CEP164: variants seen among roughly 807,000 people sequenced by gnomAD.
The protein encoded by CEP164 is centrosomal protein of 164 kDa.
A neutral mutation model predicts 182.7 loss-of-function variants in CEP164; 162 were observed. That is an observed-to-expected ratio of 0.89 (90% CI 0.78 to 1.01). The LOEUF is 1.01. Among genes scored for constraint, CEP164 ranks in the 50% least tolerant of loss-of-function variants. The pLI is 0.00. For missense variants in CEP164, 1,735 were observed against 1,790.4 expected (o/e 0.97, Z 0.56); for synonymous variants, 661 against 690.0 (o/e 0.96, Z 0.66).
rs188255006 is a variant in CEP164, at chr11:117,376,312, C to T, written c.1317+521C>T. ...GATGAATTGTTCCCTTTCTTTGCTC[C>T]GTTTAGTCACTCTTGTTTTGTTTGA... is the stretch of plus-strand genomic sequence containing the variant. On this transcript the variant is annotated intron_variant, in intron 11 of 32. Transcript: ENST00000278935. 6.6e-5 allele frequency among the ~76,000 whole-genome samples: 10 copies of T among 152,302 alleles called. No homozygotes were observed. In the East Asian group the frequency reaches 1.2e-3, roughly 18 times the overall value.
chr11:117,401,464 GT>G (rs1025658717), intron 27 of CEP164, among the ~76,000 whole-genome samples: 19 of 152,188 alleles, frequency 1.2e-4, no homozygotes, highest in African/African-American at 4.3e-4. Flanking sequence ...TCTCTGCCAG[GT>G]TTTGGTATCA....
intron 3 of CEP164, among the ~76,000 whole-genome samples, chr11:117,340,902 C>T (rs373372237): frequency 8.0e-4 from 122 of 152,282 alleles, no homozygotes; most frequent in Admixed American, 2.1e-3. Context: ...GGCGTGAGCT[C>T]GGCTCGCTGC....
chr11:117,408,112 C>G (rs2046917939), intron 28 of CEP164, 80 bp downstream of exon 28: 1 of 1,106,618 alleles, frequency 9.0e-7, no homozygotes, highest in Non-Finnish European at 1.3e-6. Flanking sequence ...TTCTTTGGTC[C>G]TGCATCCGGG....
At chr11:117,337,639 C>T (rs2037402385) in intron 2 of CEP164, among the ~76,000 whole-genome samples, 1 of 152,108 alleles carries the variant, frequency 6.6e-6, no homozygotes, top group Non-Finnish European at 1.5e-5. Flanking sequence ...GTCTCTTCTT[C>T]ATTCCCCTGC....
rs911192325 is a variant in CEP164, at chr11:117,370,598, G to A, written c.766-482G>A. Among the ~76,000 whole-genome samples the A allele has an allele frequency of 4.6e-5, 7 of 152,324 alleles. No individual in the cohort carries two copies. The East Asian group carries it at 1.4e-3, about 29-fold the overall frequency. The stretch of plus-strand genomic sequence containing the variant: ...TCTGATTCTGTAGATCTGGGGTGGA[G>A]TCAGGAATCTGTGTTTTAAAAAGCT... On this transcript the variant is annotated intron_variant, in intron 8 of 32. Coordinates refer to ENST00000278935, the MANE Select transcript of CEP164 (RefSeq NM_014956.5).
chr11:117,341,350 G>T (rs2038087522), intron 3 of CEP164, among the ~76,000 whole-genome samples: 1 of 151,948 alleles, frequency 6.6e-6, no homozygotes, highest in South Asian at 2.1e-4. Flanking sequence ...TAGTCCCCCC[G>T]CATCCCCAGT....
chr11:117,408,136 T>G, intron 28 of CEP164, 104 bp downstream of exon 28: 1 of 779,938 alleles, frequency 1.3e-6, no homozygotes, highest in Non-Finnish European at 2.1e-6. Context: ...GTTGGGCCTC[T>G]AGGGCCCAGG....
chr11:117,326,236 T>C (rs953311332), upstream of CEP164, among the ~76,000 whole-genome samples: 1 of 150,740 alleles, frequency 6.6e-6, no homozygotes, highest in African/African-American at 2.4e-5. Flanking sequence ...ATTTTATTTA[T>C]TTTTTTAGAC....
At chr11:117,385,526 G>T (rs2043849161) in intron 14 of CEP164, 1 of 152,244 alleles carries the variant, frequency 6.6e-6, no homozygotes, top group Non-Finnish European at 1.5e-5. Context: ...TCTTTCCACA[G>T]CATTATCCCT....
chr11:117,359,105 C>T (rs374367118), intron 5 of CEP164, among the ~76,000 whole-genome samples: 42 of 152,284 alleles, frequency 2.8e-4, no homozygotes, highest in African/African-American at 8.9e-4. Flanking sequence ...CCACCATGCC[C>T]GGCTAATTTT....
At chr11:117,372,260 A>G (rs2042281713) in intron 9 of CEP164, among the ~76,000 whole-genome samples, 1 of 150,782 alleles carries the variant, frequency 6.6e-6, no homozygotes, top group Non-Finnish European at 1.5e-5. Flanking sequence ...AGCATGCACC[A>G]CCATTCCTGG....
At chr11:117,399,158 G>A (rs565828820) in intron 27 of CEP164, among the ~76,000 whole-genome samples, 90 of 151,986 alleles carry the variant, frequency 5.9e-4, no homozygotes, top group Non-Finnish European at 1.1e-3. Flanking sequence ...GACAGGCCCC[G>A]GTGTGTGATG....
At chr11:117,337,173 A>G (rs2134987471) in intron 2 of CEP164, among the ~76,000 whole-genome samples, 1 of 152,234 alleles carries the variant, frequency 6.6e-6, no homozygotes, top group South Asian at 2.1e-4. Flanking sequence ...TGGAAGCTAG[A>G]AGGCCCATAT....
chr11:117,352,559 A>G (rs1037876878), intron 5 of CEP164, among the ~76,000 whole-genome samples: 9 of 152,164 alleles, frequency 5.9e-5, no homozygotes, highest in Admixed American at 4.6e-4. Flanking sequence ...AGTGGTGGGT[A>G]ACTGAAGTTT....
At chr11:117,391,832 T>C (rs1353260222) in intron 17 of CEP164, among the ~76,000 whole-genome samples, 4 of 152,228 alleles carry the variant, frequency 2.6e-5, no homozygotes, top group Non-Finnish European at 1.5e-5. Context: ...CCTTGTCTAA[T>C]AGCTGCAGCT....
chr11:117,387,844 A>G (rs1467413080), intron 15 of CEP164, among the ~76,000 whole-genome samples: 1 of 152,238 alleles, frequency 6.6e-6, no homozygotes, highest in Non-Finnish European at 1.5e-5. Context: ...TTTAGATGAT[A>G]CCTAGCAAAG....
chr11:117,367,947 C>G (rs187577186), intron 8 of CEP164, among the ~76,000 whole-genome samples: 1 of 152,180 alleles, frequency 6.6e-6, no homozygotes, highest in Non-Finnish European at 1.5e-5. Context: ...TAGTCTAATC[C>G]CTATATAACC....
chr11:117,357,679 C>T (rs2040461329), intron 5 of CEP164, among the ~76,000 whole-genome samples: 1 of 152,006 alleles, frequency 6.6e-6, no homozygotes, highest in Non-Finnish European at 1.5e-5. Context: ...GCTTCAGTCT[C>T]CCAAAGTCCT....
intron 27 of CEP164, among the ~76,000 whole-genome samples, chr11:117,402,475 T>A (rs1424071604): frequency 1.3e-5 from 2 of 152,186 alleles, no homozygotes; most frequent in East Asian, 3.8e-4. Flanking sequence ...TGGCTCGGCC[T>A]CCCAAAGTGT....
Sources: gnomAD v4.1 joint callset for allele counts (sites outside exome capture counted in the v4.1 genomes callset) on GRCh38, gnomAD v4.1.1 for gene constraint, MANE v1.5 for transcripts, NCBI Gene and HGNC (gene_info 2026-07-23, HGNC 2026-07-21) for gene names.